The following PPP4R2 variants were observed in gnomAD, a reference collection of about 807,000 sequenced individuals.
PPP4R2 encodes serine/threonine-protein phosphatase 4 regulatory subunit 2.
Under a neutral mutation model 47.2 loss-of-function variants are expected in PPP4R2, and 13 were observed. The observed-to-expected ratio is 0.28, with a 90% confidence interval of 0.18 to 0.44. The LOEUF (loss-of-function observed/expected upper bound fraction) is 0.44, where lower values mean the gene tolerates loss of function less well. Among genes scored for constraint, PPP4R2 ranks in the 20% least tolerant of loss-of-function variants. The probability of loss-of-function intolerance (pLI) is 1.00; values close to 1 mark genes in which losing one functional copy is unlikely to be tolerated. For synonymous variants in PPP4R2, 151 were observed against 163.3 expected, an observed-to-expected ratio of 0.92 and a Z score of 0.57; for missense variants, 421 against 491.2, an observed-to-expected ratio of 0.86 and a Z score of 1.35.
chr3:72,997,078 G>A lies in PPP4R2; in HGVS notation c.34+7G>A. On this transcript the variant is annotated splice_region_variant and intron_variant, in intron 1 of 8. Transcript: ENST00000356692. ...CTCCAGGAGGCGCTGAAAGGTGGGG[G>A]TAGCTGCCCCCTCTCCATTCCCCCT... 7.2e-7 allele frequency: 1 copy of A among 1,391,632 alleles called. No homozygotes were observed. Among genetic ancestry groups the A allele is most frequent in the Non-Finnish European group, 9.5e-7 (1 of 1,055,912 alleles). The allele number at this position is 1,391,632 out of a possible 1,614,324, so 86.2% of individuals were successfully genotyped here. A position where few individuals can be genotyped will look rare whatever the true frequency, so the allele number is the denominator to read the frequency against.
chr3:73,045,606 A>G (rs1702467858), intron 2 of PPP4R2, among the ~76,000 whole-genome samples: 1 of 148,850 alleles, frequency 6.7e-6, no homozygotes, highest in Admixed American at 6.7e-5. Flanking sequence ...GCTCACTACA[A>G]CCTCCACCTC....
intron 2 of PPP4R2, among the ~76,000 whole-genome samples, chr3:73,018,157 T>A (rs1701879422): frequency 1.3e-5 from 2 of 152,180 alleles, no homozygotes; most frequent in Non-Finnish European, 2.9e-5. Flanking sequence ...TCTTATACTT[T>A]TAGCCAGGCA....
At chr3:73,009,490 C>G (rs1701679771) in intron 2 of PPP4R2, among the ~76,000 whole-genome samples, 1 of 152,198 alleles carries the variant, frequency 6.6e-6, no homozygotes, top group Non-Finnish European at 1.5e-5. Context: ...TCTGTATCTA[C>G]AGATCCACTT....
At chr3:73,063,165 A>T in intron 5 of PPP4R2, 1 of 459,748 alleles carries the variant, frequency 2.2e-6, no homozygotes, top group South Asian at 2.6e-5. Flanking sequence ...GCAACCCCAC[A>T]TTTTTGGGAT....
At chr3:73,004,855 GTGTGTGTGTGTGTGTT>G (rs897501973) in intron 2 of PPP4R2, among the ~76,000 whole-genome samples, 1 of 88,156 alleles carries the variant, frequency 1.1e-5, no homozygotes, top group African/African-American at 7.5e-5. Context: ...GTGTGTGTGT[GTGTGTGTGTGTGTGTT>G]TGTTTGTTTG....
At chr3:72,999,199 A>G (rs1417985920) in intron 2 of PPP4R2, among the ~76,000 whole-genome samples, 1 of 152,142 alleles carries the variant, frequency 6.6e-6, no homozygotes, top group Admixed American at 6.5e-5. Flanking sequence ...CGTCAGTGTG[A>G]TGTGTTCAAT....
intron 2 of PPP4R2, among the ~76,000 whole-genome samples, chr3:73,012,820 C>T (rs988723545): frequency 6.6e-6 from 1 of 151,442 alleles, no homozygotes; most frequent in Non-Finnish European, 1.5e-5. Context: ...TAACTGGAGA[C>T]TGGTCCACCT....
At chr3:73,006,931 C>T (rs188867574) in intron 2 of PPP4R2, among the ~76,000 whole-genome samples, 1 of 112,496 alleles carries the variant, frequency 8.9e-6, no homozygotes, top group African/African-American at 3.8e-5. Flanking sequence ...ATCAGTTTTT[C>T]CTCATCCACT....
At chr3:73,007,408 C>A (rs1030951127) in intron 2 of PPP4R2, among the ~76,000 whole-genome samples, 5 of 152,208 alleles carry the variant, frequency 3.3e-5, no homozygotes, top group Non-Finnish European at 5.9e-5. Flanking sequence ...CTCCTTAAGC[C>A]CATGAGGCTG....
chr3:73,052,768 C>T (rs1702645610), intron 3 of PPP4R2, among the ~76,000 whole-genome samples: 1 of 152,200 alleles, frequency 6.6e-6, no homozygotes, highest in Admixed American at 6.5e-5. Flanking sequence ...CAGTCGGCCT[C>T]CTCACTCTGT....
At chr3:73,007,048 G>GA (rs1278579602) in intron 2 of PPP4R2, among the ~76,000 whole-genome samples, 1 of 152,158 alleles carries the variant, frequency 6.6e-6, no homozygotes, top group African/African-American at 2.4e-5. Context: ...TTAGAGAGAT[G>GA]AAAAACTGTA....
intron 2 of PPP4R2, among the ~76,000 whole-genome samples, chr3:73,015,594 G>T (rs9827068): frequency 6.7e-6 from 1 of 149,404 alleles, no homozygotes; most frequent in Admixed American, 6.7e-5. Context: ...TTCTACCTCA[G>T]CCTCTCGATT....
At chr3:73,007,753 T>C (rs750023042) in intron 2 of PPP4R2, among the ~76,000 whole-genome samples, 26 of 152,346 alleles carry the variant, frequency 1.7e-4, no homozygotes, top group Non-Finnish European at 3.5e-4. Context: ...CTTCCCGAAG[T>C]GCTGGGATAA....
Position 73,064,162 on chromosome 3 carries a change from A to G in PPP4R2, c.638+16A>G. ...AAAATCACAGGTTTGTATGTTTTAT[A>G]TTTAAAAACAGTGTTTTTATTAAAA... is the stretch of plus-strand genomic sequence containing the variant. On this transcript the variant is annotated intron_variant, in intron 7 of 8. Transcript: ENST00000356692. 6.3e-7 allele frequency: 1 copy of G among 1,588,742 alleles called. No individual in the cohort carries two copies. The highest frequency in any genetic ancestry group is 8.5e-7 in the Non-Finnish European group (1 of 1,169,868).
chr3:73,024,219 A>G lies in PPP4R2; in HGVS notation c.117-22967A>G, dbSNP rs147862344. ...GAACATTTATATATTTTGAAGATCT[A>G]TGATACTTATATTGGAAAAAGGTAA... On this transcript the variant is annotated intron_variant, in intron 2 of 8. Transcript: ENST00000356692. Among the ~76,000 whole-genome samples the G allele has an allele frequency of 5.2e-3, 785 of 152,274 alleles. 7 individuals are homozygous for G. Among genetic ancestry groups the G allele is most frequent in the African/African-American group, 0.018 (756 of 41,548 alleles).
rs898076312 is a variant in PPP4R2, at chr3:73,068,123, T to G, written c.*2401T>G. 6.6e-6 allele frequency: 1 copy of G among 152,172 alleles called. No individual in the cohort carries two copies. The highest frequency in any genetic ancestry group is 1.5e-5 in the Non-Finnish European group (1 of 68,020). 9.4% of individuals were successfully genotyped at this position (152,172 alleles called of 1,614,324 possible). The stretch of plus-strand genomic sequence containing the variant: ...TTCCGCAGGTATTCATAGGTGCACT[T>G]AACACAGACTTTGCTTAATGAAAAT... On this transcript the variant is annotated 3_prime_UTR_variant, in exon 9 of 9. Transcript: ENST00000356692.
At chr3:73,035,607 A>G (rs1338781207) in intron 2 of PPP4R2, among the ~76,000 whole-genome samples, 3 of 152,112 alleles carry the variant, frequency 2.0e-5, no homozygotes, top group Non-Finnish European at 2.9e-5. Flanking sequence ...CAGTGTGTCA[A>G]AGAGATACCT....
chr3:73,008,326 T>C (rs996067880), intron 2 of PPP4R2, among the ~76,000 whole-genome samples: 1 of 152,206 alleles, frequency 6.6e-6, no homozygotes, highest in Admixed American at 6.5e-5. Flanking sequence ...TATTAAGATA[T>C]GAACATGAAT....
chr3:73,042,361 CTTT>C (rs10709279), intron 2 of PPP4R2, among the ~76,000 whole-genome samples: 205 of 75,904 alleles, frequency 2.7e-3, no homozygotes, highest in African/African-American at 8.3e-3. Context: ...AATATAATTT[CTTT>C]TTTTTTTTTT....
Sources: allele counts gnomAD v4.1 joint callset (sites outside exome capture counted in the v4.1 genomes callset), GRCh38; gene constraint gnomAD v4.1.1; transcripts MANE v1.5; gene names NCBI Gene and HGNC (gene_info 2026-07-23, HGNC 2026-07-21).